MIER2: variants seen among roughly 807,000 people sequenced by gnomAD.
The protein encoded by MIER2 is mesoderm induction early response protein 2.
A neutral mutation model predicts 67.6 loss-of-function variants in MIER2; 30 were observed. The ratio of observed to expected loss-of-function variants is 0.44; its 90% CI spans 0.33 to 0.60. MIER2 has a LOEUF of 0.60. MIER2 is among the 20% of genes least tolerant of loss of function. The pLI is 0.02. For synonymous variants in MIER2, 372 were observed against 312.6 expected (o/e 1.19, Z -2.00); for missense variants, 702 against 745.1 (o/e 0.94, Z 0.67).
At chr19:307,565 G>GGCCT in intron 12 of MIER2, 29 bp from the exon 13 acceptor site, 1 of 1,484,230 alleles carries the variant, frequency 6.7e-7, no homozygotes, top group Admixed American at 2.4e-5. Context: ...CAGAGGGTGG[G>GGCCT]GCCTGCCCAC....
rs1971634026 is a variant in MIER2, at chr19:324,315, C to T, written c.655+1320G>A. 1.5e-5 allele frequency among the ~76,000 whole-genome samples: 2 copies of T among 135,926 alleles called. 1 individual carries two copies. The highest frequency in any genetic ancestry group is 1.5e-4 in the Admixed American group (2 of 13,092). The allele number at this position is 135,926 out of a possible 152,430, so 89.2% of individuals were successfully genotyped here. ...GCAATACACAAGACACACACAACCACGCAGACAACTCGAATGACACAGACG... is the reference window on the plus strand; with the variant it reads ...GCAATACACAAGACACACACAACCATGCAGACAACTCGAATGACACAGACG... On this transcript the variant is annotated intron_variant, in intron 7 of 13. Coordinates refer to ENST00000264819, the MANE Select transcript of MIER2 (RefSeq NM_017550.3).
At chr19:324,066 C>T in intron 7 of MIER2, among the ~76,000 whole-genome samples, 1 of 111,796 alleles carries the variant, frequency 8.9e-6, no homozygotes, top group Non-Finnish European at 1.8e-5. Flanking sequence ...ATACACAAGA[C>T]ACACACAACC....
In MIER2 at chr19:306,466, C is replaced by T. The variant is rs749634671; in HGVS notation, c.*224G>A. The T allele has an allele frequency of 1.6e-5, 10 of 642,596 alleles. No homozygotes were observed. Among genetic ancestry groups the T allele is most frequent in the South Asian group, 3.9e-5 (2 of 51,096 alleles). The allele number at this position is 642,596 out of a possible 1,614,324, so 39.8% of individuals were successfully genotyped here. On this transcript the variant is annotated 3_prime_UTR_variant, in exon 14 of 14. Coordinates refer to ENST00000264819, the MANE Select transcript of MIER2 (RefSeq NM_017550.3). ...GCGGCCCGGACCCGGGTGGCAGTGC[C>T]GGGCGCTGACGGCGCTGGGTGGGGC...
At chr19:314,014 G>A (rs1475822975) in intron 7 of MIER2, among the ~76,000 whole-genome samples, 2 of 152,224 alleles carry the variant, frequency 1.3e-5, no homozygotes, top group Non-Finnish European at 2.9e-5. Context: ...GGGGTTCTAA[G>A]TAGTGAGACC....
At chr19:339,257 TAAGG>T (rs975986870) in intron 1 of MIER2, among the ~76,000 whole-genome samples, 2 of 151,900 alleles carry the variant, frequency 1.3e-5, no homozygotes, top group South Asian at 2.1e-4. Flanking sequence ...TAAAACTCAA[TAAGG>T]AAGAGAGAAT....
In MIER2 at chr19:308,257, C is replaced by T. The variant is rs924064424; in HGVS notation, c.1198+320G>A. On this transcript the variant is annotated intron_variant, in intron 12 of 13. Coordinates refer to ENST00000264819, the MANE Select transcript of MIER2 (RefSeq NM_017550.3). This position sits in a 1 kb window ranked among gnomAD's most constrained non-coding sequence, Gnocchi z 9.1. ...CCTGGTGACGGGCTAAGTCCCCACC[C>T]TGGGGCAGGAAGGCCCTCCCCGGAG... 3.3e-5 allele frequency among the ~76,000 whole-genome samples: 5 copies of T among 152,206 alleles called. No individual in the cohort carries two copies. Among genetic ancestry groups the T allele is most frequent in the African/African-American group, 9.6e-5 (4 of 41,464 alleles).
At chr19:320,336 C>T (rs553557240) in intron 7 of MIER2, among the ~76,000 whole-genome samples, 27 of 151,870 alleles carry the variant, frequency 1.8e-4, no homozygotes, top group Non-Finnish European at 3.5e-4. Flanking sequence ...GCCAAGATTG[C>T]GCCACGGCAC....
chr19:334,792 C>T (rs1353433094), intron 2 of MIER2, among the ~76,000 whole-genome samples: 1 of 152,192 alleles, frequency 6.6e-6, no homozygotes, highest in Non-Finnish European at 1.5e-5. Context: ...GACTGCTTGT[C>T]TTCCTGAACA....
At chr19:328,696 CA>C (rs1971879911) in intron 3 of MIER2, among the ~76,000 whole-genome samples, 1 of 152,046 alleles carries the variant, frequency 6.6e-6, no homozygotes, top group Non-Finnish European at 1.5e-5. Flanking sequence ...TGCAGTGAGC[CA>C]AGATCACACC....
intron 1 of MIER2, among the ~76,000 whole-genome samples, chr19:339,163 T>C (rs1470568767): frequency 2.3e-5 from 3 of 130,354 alleles, no homozygotes; most frequent in Middle Eastern, 4.0e-3. Flanking sequence ...CCCAAGAAAG[T>C]GAAAGGACAA....
chr19:334,267 C>A (rs1972142576), intron 3 of MIER2, 133 bp downstream of exon 3: 1 of 1,297,208 alleles, frequency 7.7e-7, no homozygotes, highest in Non-Finnish European at 1.1e-6. Flanking sequence ...GCTACTAGGA[C>A]AGCATCTGGC....
rs1970660009 is a variant in MIER2, at chr19:306,596, G to A, written c.*94C>T. On this transcript the variant is annotated 3_prime_UTR_variant, in exon 14 of 14. Coordinates refer to ENST00000264819, the MANE Select transcript of MIER2 (RefSeq NM_017550.3). ...GAAGGAGGTGCTACCCCAAGGCCCGGGGGGTGGGGAAGGGGTCAGGAAGAC... is the reference window on the plus strand; with the variant it reads ...GAAGGAGGTGCTACCCCAAGGCCCGAGGGGTGGGGAAGGGGTCAGGAAGAC... 1 of 1,506,602 alleles carries A rather than the reference G, an allele frequency of 6.6e-7. No individual in the cohort carries two copies. Among genetic ancestry groups the A allele is most frequent in the African/African-American group, 1.4e-5 (1 of 72,040 alleles). 93.3% of individuals were successfully genotyped at this position (1,506,602 alleles called of 1,614,324 possible).
At chr19:343,162 G>A (rs1416033271) in intron 1 of MIER2, among the ~76,000 whole-genome samples, 3 of 152,166 alleles carry the variant, frequency 2.0e-5, no homozygotes, top group African/African-American at 4.8e-5. Flanking sequence ...AGGAGCAGCC[G>A]GACCACAAGC....
chr19:342,916 G>C (rs965570200), intron 1 of MIER2, among the ~76,000 whole-genome samples: 4 of 152,066 alleles, frequency 2.6e-5, no homozygotes, highest in African/African-American at 7.2e-5. Context: ...AGACCACACA[G>C]AACAAGTCCG....
At chr19:307,062 G>A in intron 13 of MIER2, 57 bp downstream of exon 13, 1 of 1,514,948 alleles carries the variant, frequency 6.6e-7, no homozygotes, top group South Asian at 1.3e-5. Context: ...TCAGCCTGAG[G>A]GCTGGGGGGA....
chr19:341,310 C>T (rs750884175), intron 1 of MIER2, among the ~76,000 whole-genome samples: 4 of 152,156 alleles, frequency 2.6e-5, no homozygotes, highest in Non-Finnish European at 4.4e-5. Flanking sequence ...GGCTTGAGAT[C>T]CACACCGAGT....
At chr19:336,729 A>G (rs10406300) in intron 1 of MIER2, among the ~76,000 whole-genome samples, 1 of 152,216 alleles carries the variant, frequency 6.6e-6, no homozygotes, top group African/African-American at 2.4e-5. Context: ...AATACACTAA[A>G]AATCAATGAA....
chr19:325,941 G>A (rs901104798), intron 6 of MIER2, among the ~76,000 whole-genome samples: 2 of 152,244 alleles, frequency 1.3e-5, no homozygotes, highest in African/African-American at 4.8e-5. Flanking sequence ...GCCCAGACAG[G>A]ATGTCGGAGG....
chr19:313,752 C>G, intron 7 of MIER2, 109 bp from the exon 8 acceptor site: 1 of 1,442,042 alleles, frequency 6.9e-7, no homozygotes, highest in Non-Finnish European at 9.3e-7. Flanking sequence ...GAGGCACTGT[C>G]CGTCCTCCCT....
Sources: gnomAD v4.1 joint callset for allele counts (sites outside exome capture counted in the v4.1 genomes callset) on GRCh38, gnomAD v4.1.1 for gene constraint, Gnocchi (gnomAD v3.1) non-coding constraint, MANE v1.5 for transcripts, NCBI Gene and HGNC (gene_info 2026-07-23, HGNC 2026-07-21) for gene names.